Variants in TPD52L1 observed in about 807,000 individuals in gnomAD.
TPD52L1 encodes the protein TPD52 like 1, also known as tumor protein D53.
In TPD52L1, 18 loss-of-function variants were observed where a neutral mutation model predicts 28.7. The ratio of observed to expected loss-of-function variants is 0.63; its 90% confidence interval spans 0.43 to 0.93. The LOEUF (loss-of-function observed/expected upper bound fraction) is 0.93, where lower values mean the gene tolerates loss of function less well. Ranked by LOEUF, TPD52L1 falls within the 40% of genes least tolerant of loss-of-function variation. The pLI is 0.00. For missense variants in TPD52L1, 203 were observed against 254.8 expected (o/e 0.80, Z 1.39); for synonymous variants, 75 against 88.8 (o/e 0.84, Z 0.88).
intron 1 of TPD52L1, among the ~76,000 whole-genome samples, chr6:125,196,696 C>T (rs939918455): frequency 4.6e-5 from 7 of 152,066 alleles, no homozygotes; most frequent in Admixed American, 3.9e-4. Flanking sequence ...TTTCTTTTTT[C>T]CTCACATCCC....
chr6:125,221,820 C>T (rs984214487), intron 2 of TPD52L1: 1 of 152,174 alleles, frequency 6.6e-6, no homozygotes, highest in Non-Finnish European at 1.5e-5. Flanking sequence ...TAACACCAGA[C>T]TCTTTGTTAC....
At chr6:125,168,723 G>A (rs1791079550) in intron 1 of TPD52L1, among the ~76,000 whole-genome samples, 1 of 151,956 alleles carries the variant, frequency 6.6e-6, no homozygotes. Flanking sequence ...TCACCATGTT[G>A]GCCAGGATGG....
intron 1 of TPD52L1, among the ~76,000 whole-genome samples, chr6:125,199,201 T>A (rs1793635900): frequency 6.6e-6 from 1 of 152,242 alleles, no homozygotes; most frequent in African/African-American, 2.4e-5. Flanking sequence ...GATTTGTTTA[T>A]TGGACAATAG....
chr6:125,172,314 T>G (rs1484101721), intron 1 of TPD52L1, among the ~76,000 whole-genome samples: 1 of 141,582 alleles, frequency 7.1e-6, no homozygotes, highest in Non-Finnish European at 1.5e-5. Flanking sequence ...CTTTCTTTCT[T>G]AGACAGAGTC....
intron 4 of TPD52L1, 167 bp from the exon 5 acceptor site, chr6:125,253,550 A>G (rs2275623): frequency 0.52 from 325,455 of 621,282 alleles, 91,690 homozygotes; most frequent in African/African-American, 0.88. Flanking sequence ...AGCTGACTAT[A>G]CCCATTATAC....
intron 1 of TPD52L1, among the ~76,000 whole-genome samples, chr6:125,180,562 TTA>T (rs3839550): frequency 2.7e-4 from 40 of 150,806 alleles, no homozygotes; most frequent in African/African-American, 3.9e-4. Context: ...CACACATATA[TTA>T]TATATACACA....
chr6:125,214,524 T>A, intron 1 of TPD52L1: 2 of 894,846 alleles, frequency 2.2e-6, no homozygotes, highest in Non-Finnish European at 2.7e-6. Flanking sequence ...TGTCCTGGGC[T>A]TGGCTTTTGC....
chr6:125,254,563 G>A (rs962088760), intron 5 of TPD52L1, among the ~76,000 whole-genome samples: 1 of 152,022 alleles, frequency 6.6e-6, no homozygotes, highest in Non-Finnish European at 1.5e-5. Flanking sequence ...TGAAGCCTTT[G>A]GGATCTTCCC....
At chr6:125,221,069 C>A (rs962483672) in intron 2 of TPD52L1, among the ~76,000 whole-genome samples, 2 of 152,176 alleles carry the variant, frequency 1.3e-5, no homozygotes, top group African/African-American at 4.8e-5. Flanking sequence ...ACCCTCTCCC[C>A]ACTTTGTCCA....
At chr6:125,226,146 A>G (rs1363582260) in intron 2 of TPD52L1, among the ~76,000 whole-genome samples, 1 of 152,196 alleles carries the variant, frequency 6.6e-6, no homozygotes, top group Non-Finnish European at 1.5e-5. Context: ...GCATATATTT[A>G]GATCTCTGAT....
At chr6:125,167,045 C>T (rs528151937) in intron 1 of TPD52L1, among the ~76,000 whole-genome samples, 6 of 152,116 alleles carry the variant, frequency 3.9e-5, no homozygotes, top group African/African-American at 1.4e-4. Context: ...CTGCTTGAAC[C>T]CAGGAGCTCA....
rs116762551 is a variant in TPD52L1, at chr6:125,218,693, A to C, written c.20-1385A>C. Among the ~76,000 whole-genome samples, 632 of 152,294 alleles carry C rather than the reference A, an allele frequency of 4.1e-3. 4 individuals are homozygous for C. Among genetic ancestry groups the C allele is most frequent in the African/African-American group, 0.014 (576 of 41,556 alleles). On this transcript the variant is annotated intron_variant, in intron 1 of 6. Coordinates refer to ENST00000534000, the MANE Select transcript of TPD52L1 (RefSeq NM_003287.4). ...AACACAAACTTCTAGATTGTCTTCT[A>C]AAATGTTTATAGTTTTGTCCCTGTG...
chr6:125,256,470 T>G (rs1797608279), intron 5 of TPD52L1, among the ~76,000 whole-genome samples: 1 of 152,216 alleles, frequency 6.6e-6, no homozygotes, highest in Non-Finnish European at 1.5e-5. Flanking sequence ...GGGCATTAGG[T>G]AGGTAATGGG....
chr6:125,176,882 A>T (rs1048382313), intron 1 of TPD52L1, among the ~76,000 whole-genome samples: 255 of 152,120 alleles, frequency 1.7e-3, no homozygotes, highest in African/African-American at 5.8e-3. Context: ...ACAAAAAAAT[A>T]AAAAAATTAG....
intron 1 of TPD52L1, among the ~76,000 whole-genome samples, chr6:125,177,282 A>G (rs543296341): frequency 1.3e-5 from 2 of 152,300 alleles, no homozygotes; most frequent in African/African-American, 4.8e-5. Context: ...GTCCACCTGC[A>G]CTGCTGTTAC....
intron 2 of TPD52L1, among the ~76,000 whole-genome samples, chr6:125,224,711 A>G (rs973408928): frequency 6.6e-6 from 1 of 152,204 alleles, no homozygotes; most frequent in Non-Finnish European, 1.5e-5. Context: ...TAACATACTG[A>G]TGATGCCTAG....
intron 1 of TPD52L1, among the ~76,000 whole-genome samples, chr6:125,192,632 C>G (rs1793126659): frequency 6.6e-6 from 1 of 152,112 alleles, no homozygotes; most frequent in South Asian, 2.1e-4. Context: ...TGTTGACTTT[C>G]CAACTAGGGC....
intron 1 of TPD52L1, among the ~76,000 whole-genome samples, chr6:125,172,512 CTATATA>C (rs60135828): frequency 0.02 from 324 of 16,404 alleles, 5 homozygotes; most frequent in Middle Eastern, 0.11. Context: ...CTCTTTCATG[CTATATA>C]TATATATATA....
At position 125,229,158 on chromosome 6, in the gene TPD52L1, C is replaced by T. The variant is rs375966122; in HGVS notation, c.176C>T (p.Ala59Val). 31 of 1,612,706 alleles carry T rather than the reference C, an allele frequency of 1.9e-5. No homozygotes were observed. Among genetic ancestry groups the T allele is most frequent in the Non-Finnish European group, 2.4e-5 (28 of 1,179,512 alleles). The change falls in exon 3 of 7, where the codon GCG becomes GTG. Residue 59 changes from alanine to valine, a missense_variant. Physicochemically the swap from Ala to Val is moderately conservative, Grantham distance 64 (BLOSUM62 0). Coordinates refer to ENST00000534000, the MANE Select transcript of TPD52L1 (RefSeq NM_003287.4). The stretch of plus-strand genomic sequence containing the variant: ...ACAACACTACGACAAGTTTTGTCAG[C>T]GAAAGAAAGGCATCTAGTTGAGATA... ...EITTLRQVLS[A>V]KERHLVEIKQ... is the part of the protein sequence containing the mutation.
Sources: allele counts gnomAD v4.1 joint callset (sites outside exome capture counted in the v4.1 genomes callset), GRCh38; gene constraint gnomAD v4.1.1; transcripts MANE v1.5; gene names NCBI Gene and HGNC (gene_info 2026-07-23, HGNC 2026-07-21).